CACNA2D3: variants seen among roughly 807,000 people sequenced by gnomAD.
The protein encoded by CACNA2D3 is calcium voltage-gated channel auxiliary subunit alpha2delta 3, also known as voltage-dependent calcium channel subunit alpha-2/delta-3.
CACNA2D3 carries 60 observed loss-of-function variants against 160.6 expected under a neutral mutation model. That is an observed-to-expected ratio of 0.37 (90% CI 0.30 to 0.46). CACNA2D3 has a LOEUF of 0.46. Among genes scored for constraint, CACNA2D3 ranks in the 20% least tolerant of loss-of-function variants. The pLI is 1.00. For synonymous variants in CACNA2D3, 558 were observed against 492.9 expected (o/e 1.13, Z -1.75); for missense variants, 1,205 against 1,365.0 (o/e 0.88, Z 1.85).
At chr3:54,717,494 G>A (rs988991088) in intron 11 of CACNA2D3, among the ~76,000 whole-genome samples, 2 of 152,098 alleles carry the variant, frequency 1.3e-5, no homozygotes, top group Admixed American at 6.6e-5. Flanking sequence ...CACCATTCTG[G>A]TGTGTGTGTC....
At chr3:54,352,605 G>T (rs1698583272) in intron 3 of CACNA2D3, among the ~76,000 whole-genome samples, 1 of 152,190 alleles carries the variant, frequency 6.6e-6, no homozygotes. Flanking sequence ...AGGCACTTCT[G>T]GTCCCCCAGG....
At chr3:54,708,628 GAA>G (rs760921303) in intron 11 of CACNA2D3, among the ~76,000 whole-genome samples, 1 of 152,156 alleles carries the variant, frequency 6.6e-6, no homozygotes, top group Non-Finnish European at 1.5e-5. Flanking sequence ...GGGCTATTTG[GAA>G]AAGAGACAGA....
chr3:54,643,068 T>C (rs903872302), intron 11 of CACNA2D3, among the ~76,000 whole-genome samples: 16 of 152,144 alleles, frequency 1.1e-4, no homozygotes, highest in Admixed American at 2.0e-4. Flanking sequence ...AAGTGGGTGC[T>C]CTTCTGGGGG....
intron 35 of CACNA2D3, among the ~76,000 whole-genome samples, chr3:55,042,439 TTGTC>T (rs949735201): frequency 1.1e-4 from 16 of 152,292 alleles, no homozygotes; most frequent in African/African-American, 3.6e-4. Context: ...TCCTTTGTCT[TTGTC>T]TGATCTTAAT....
At chr3:54,291,085 T>C (rs942049172) in intron 2 of CACNA2D3, among the ~76,000 whole-genome samples, 29 of 152,280 alleles carry the variant, frequency 1.9e-4, no homozygotes, top group South Asian at 1.7e-3. Context: ...TGTACCTACA[T>C]ACACAGGATG....
chr3:54,141,997 C>A (rs1699946286), intron 2 of CACNA2D3, among the ~76,000 whole-genome samples: 1 of 152,296 alleles, frequency 6.6e-6, no homozygotes, highest in South Asian at 2.1e-4. Context: ...GCATGCAAGT[C>A]TCCTTGCAGT....
intron 2 of CACNA2D3, among the ~76,000 whole-genome samples, chr3:54,196,500 G>A (rs1397005086): frequency 6.6e-6 from 1 of 152,184 alleles, no homozygotes; most frequent in East Asian, 1.9e-4. Context: ...CCACGTCACA[G>A]CCCTCCCAGT....
intron 4 of CACNA2D3, among the ~76,000 whole-genome samples, chr3:54,492,876 G>A (rs1238171010): frequency 1.3e-5 from 2 of 152,140 alleles, no homozygotes; most frequent in African/African-American, 2.4e-5. Context: ...TGCTGCATCT[G>A]GGGCTGCACG....
At chr3:54,345,576 G>A (rs1439750429) in intron 3 of CACNA2D3, among the ~76,000 whole-genome samples, 1 of 152,060 alleles carries the variant, frequency 6.6e-6, no homozygotes, top group Non-Finnish European at 1.5e-5. Context: ...AGCTGGGATC[G>A]GAGTTCCCGA....
intron 15 of CACNA2D3, among the ~76,000 whole-genome samples, chr3:54,837,630 G>C (rs1301019712): frequency 6.6e-6 from 1 of 152,152 alleles, no homozygotes; most frequent in East Asian, 1.9e-4. Flanking sequence ...GAGCCTGGAA[G>C]TCTGAAATCA....
intron 2 of CACNA2D3, among the ~76,000 whole-genome samples, chr3:54,284,298 AT>A (rs1342548018): frequency 3.0e-4 from 45 of 151,680 alleles, no homozygotes; most frequent in Middle Eastern, 6.8e-3. Context: ...AATTAAAAAA[AT>A]TAAAAAAATT....
chr3:54,279,557 C>T (rs1438254183), intron 2 of CACNA2D3, among the ~76,000 whole-genome samples: 1 of 152,164 alleles, frequency 6.6e-6, no homozygotes, highest in Non-Finnish European at 1.5e-5. Flanking sequence ...CATTTAAATG[C>T]CTTGTCTCCT....
intron 2 of CACNA2D3, among the ~76,000 whole-genome samples, chr3:54,301,266 A>AAACAACAACAAC (rs57134946): frequency 6.7e-6 from 1 of 150,352 alleles, no homozygotes; most frequent in African/African-American, 2.5e-5. Flanking sequence ...CAAAACAAAC[A>AAACAACAACAAC]AACAACAACA....
chr3:54,449,782 G>T (rs1700277541), intron 4 of CACNA2D3, among the ~76,000 whole-genome samples: 1 of 152,164 alleles, frequency 6.6e-6, no homozygotes, highest in Admixed American at 6.5e-5. Flanking sequence ...GGCCTCTCCA[G>T]AAGCAGAAGC....
intron 30 of CACNA2D3, among the ~76,000 whole-genome samples, chr3:54,986,096 A>G (rs60200482): frequency 0.014 from 2,116 of 152,254 alleles, 41 homozygotes; most frequent in African/African-American, 0.048. Flanking sequence ...TTAGTTGCCT[A>G]GAGGGAGGAG....
At chr3:54,687,284 G>A (rs55962540) in intron 11 of CACNA2D3, among the ~76,000 whole-genome samples, 38,153 of 149,478 alleles carry the variant, frequency 0.26, 5,262 homozygotes, top group African/African-American at 0.29. Context: ...GGGATTACAG[G>A]CACTCACCAC....
intron 2 of CACNA2D3, among the ~76,000 whole-genome samples, chr3:54,208,169 G>C (rs1701305590): frequency 6.6e-6 from 1 of 152,232 alleles, no homozygotes; most frequent in East Asian, 1.9e-4. Context: ...GCAATGGTGC[G>C]ATCTCGGCTC....
intron 10 of CACNA2D3, among the ~76,000 whole-genome samples, chr3:54,636,103 G>T (rs1699364516): frequency 6.6e-6 from 1 of 151,908 alleles, no homozygotes; most frequent in Non-Finnish European, 1.5e-5. Context: ...GGAACACTGA[G>T]AAGTTATTTC....
At chr3:54,301,540 A>G (rs1703477336) in intron 2 of CACNA2D3, among the ~76,000 whole-genome samples, 1 of 152,220 alleles carries the variant, frequency 6.6e-6, no homozygotes, top group African/African-American at 2.4e-5. Flanking sequence ...TATTTAATAC[A>G]CACCTATATA....
Sources: allele counts gnomAD v4.1 joint callset (sites outside exome capture counted in the v4.1 genomes callset), GRCh38; gene constraint gnomAD v4.1.1; transcripts MANE v1.5; gene names NCBI Gene and HGNC (gene_info 2026-07-23, HGNC 2026-07-21).